Variants in PFKFB4 observed in about 807,000 individuals in gnomAD.
PFKFB4 encodes the protein 6-phosphofructo-2-kinase/fructose-2,6-bisphosphatase 4.
A neutral mutation model predicts 62.8 loss-of-function variants in PFKFB4; 42 were observed. The observed-to-expected ratio is 0.67, with a 90% CI of 0.52 to 0.86. The LOEUF (loss-of-function observed/expected upper bound fraction) is 0.86, where lower values mean the gene tolerates loss of function less well. PFKFB4 is among the 40% of genes least tolerant of loss of function. The pLI, the probability that PFKFB4 is intolerant of heterozygous loss-of-function variation, is 0.00. For synonymous variants in PFKFB4, 204 were observed against 240.7 expected (o/e 0.85, Z 1.41); for missense variants, 475 against 627.2 (o/e 0.76, Z 2.59).
intron 10 of PFKFB4, 147 bp from the exon 11 acceptor site, chr3:48,523,977 G>A (rs945865751): frequency 1.1e-4 from 93 of 879,418 alleles, no homozygotes; most frequent in Non-Finnish European, 2.4e-5. Context: ...AGCCTTCTGA[G>A]GCCATGGGGG....
At chr3:48,539,192 A>C in intron 6 of PFKFB4, 62 bp downstream of exon 6, 1 of 1,341,772 alleles carries the variant, frequency 7.5e-7, no homozygotes, top group Non-Finnish European at 1.1e-6. Context: ...GGTTAGCCAA[A>C]ACCTGAAAAG....
intron 9 of PFKFB4, among the ~76,000 whole-genome samples, chr3:48,528,180 C>T (rs1350330111): frequency 6.6e-6 from 1 of 152,028 alleles, no homozygotes; most frequent in African/African-American, 2.4e-5. Context: ...TGGACGGCTA[C>T]AACCAAGACT....
chr3:48,549,975 A>G lies in PFKFB4; in HGVS notation c.215-15T>C, dbSNP rs35452137. The stretch of plus-strand genomic sequence containing the variant: ...AACATTGAACTCTGGAGGGAAGGAG[A>G]GGCTCAGCTTTCACAGCAACAGCAA... On this transcript the variant is annotated splice_polypyrimidine_tract_variant and intron_variant, in intron 2 of 13. Transcript: ENST00000232375. 6.3e-7 allele frequency: 1 copy of G among 1,595,848 alleles called. No homozygotes were observed. Among genetic ancestry groups the G allele is most frequent in the East Asian group, 2.2e-5 (1 of 44,748 alleles).
intron 1 of PFKFB4, among the ~76,000 whole-genome samples, chr3:48,553,962 G>C (rs1284254570): frequency 6.6e-6 from 1 of 152,160 alleles, no homozygotes; most frequent in African/African-American, 2.4e-5. Flanking sequence ...TGCCCTCAGA[G>C]TTCCTCCAGG....
chr3:48,556,750 T>TC lies in PFKFB4; in HGVS notation c.27dup (p.Asn10GlufsTer81). The TC allele has an allele frequency of 6.2e-7, 1 of 1,604,966 alleles. No homozygotes were observed. Among genetic ancestry groups the TC allele is most frequent in the South Asian group, 1.1e-5 (1 of 90,450 alleles). ...GGCATCCAGATCTTCTTCAGGGGGT[T>TC]CTGTGTCAATTCCCGTGGGGACGCC... On this transcript the variant is annotated frameshift_variant, in exon 1 of 14. Transcript: ENST00000232375. LOFTEE classifies it high-confidence loss of function. The surrounding 1 kb of genome is among the most constrained non-coding windows in gnomAD (Gnocchi z 5.7).
rs904574543 is a variant in PFKFB4 at position 48,539,222 on chromosome 3, G to T, written c.510+32C>A. 6 of 1,561,552 alleles carry T rather than the reference G, an allele frequency of 3.8e-6. No homozygotes were observed. In the African/African-American group the frequency reaches 4.1e-5, roughly 11 times the overall value. On this transcript the variant is annotated intron_variant, in intron 6 of 13. Transcript: ENST00000232375. ...GAAAAGGGATGTCCCTGTCACACAC[G>T]ACCTTCTGACAAGGTCAGATGCACT...
rs374989531 is a variant in PFKFB4, at chr3:48,549,857, T to C, written c.311+7A>G. 3.2e-6 allele frequency: 5 copies of C among 1,571,696 alleles called. No individual in the cohort carries two copies. Among genetic ancestry groups the C allele is most frequent in the East Asian group, 2.2e-5 (1 of 44,672 alleles). On this transcript the variant is annotated splice_region_variant and intron_variant, in intron 3 of 13. Coordinates refer to ENST00000232375, the MANE Select transcript of PFKFB4 (RefSeq NM_004567.4). ...CCTCTCCCCCCACACCCAACACATA[T>C]ACTTACTTCCTGATTTTCAGGCCCT...
At chr3:48,533,541 C>A (rs1242160620) in intron 9 of PFKFB4, among the ~76,000 whole-genome samples, 1 of 152,146 alleles carries the variant, frequency 6.6e-6, no homozygotes, top group African/African-American at 2.4e-5. Context: ...CTGGCCCCAA[C>A]AAAAACAACT....
chr3:48,523,538 A>G lies in PFKFB4; in HGVS notation c.1284T>C (p.Tyr428=), dbSNP rs202052151. 3.7e-6 allele frequency: 6 copies of G among 1,613,890 alleles called. 1 individual carries two copies. In the South Asian group the frequency reaches 6.6e-5, roughly 18 times the overall value. The part of the protein sequence containing the change: ...HTVLKLTPVA[Y]GCKVESIFLN... ...TCAATGTGCAGGAAGCTTCCTTACC[A>G]TATGCCACAGGAGTCAGCTTCAGGA... Residue 428 remains tyrosine (Y), a splice_region_variant and synonymous_variant, in exon 12 of 14, where the codon TAT becomes TAC. Transcript: ENST00000232375.
rs142259243 is a variant in PFKFB4, at chr3:48,539,256, C to T, written c.508G>A (p.Val170Met). The change falls in exon 6 of 14, where the codon GTG becomes ATG. Residue 170 changes from valine to methionine, a missense_variant and splice_region_variant. Val to Met is a conservative substitution (Grantham distance 21). Transcript: ENST00000232375. ...VDPEVIAANIVQVKLGSPDYV... is the reference protein window; with the variant it reads ...VDPEVIAANIMQVKLGSPDYV... ...ACAAGGTCAGATGCACTACTCACCA[C>T]GATGTTGGCAGCTATGACCTCAGGA... The T allele has an allele frequency of 5.0e-6, 8 of 1,612,754 alleles. No individual in the cohort carries two copies. The highest frequency in any genetic ancestry group is 3.3e-5 in the Admixed American group (2 of 59,960).
intron 3 of PFKFB4, among the ~76,000 whole-genome samples, chr3:48,547,131 G>T (rs758641790): frequency 3.6e-4 from 55 of 152,316 alleles, no homozygotes; most frequent in Non-Finnish European, 6.3e-4. Context: ...CACCATGTAT[G>T]AGCGTGCTCA....
intron 9 of PFKFB4, among the ~76,000 whole-genome samples, chr3:48,531,666 G>A (rs1341083588): frequency 6.6e-6 from 1 of 150,750 alleles, no homozygotes; most frequent in Non-Finnish European, 1.5e-5. Flanking sequence ...GGTGATGTGT[G>A]CCTGTAGTCC....
At chr3:48,548,284 T>C (rs1178883116) in intron 3 of PFKFB4, 1 of 151,970 alleles carries the variant, frequency 6.6e-6, no homozygotes, top group Non-Finnish European at 1.5e-5. Context: ...TCTGGAAAAG[T>C]GAGGCACCGC....
In PFKFB4 at chr3:48,519,772, A is replaced by AG. The variant is rs1251316486; in HGVS notation, c.1384dup (p.Leu462ProfsTer18). ...TCACTGGTGAGCAGGCACCGTGACA[A>AG]GGGCTTCCTCTGGAGGTCTTGAGAT... On this transcript the variant is annotated frameshift_variant, in exon 14 of 14. Coordinates refer to ENST00000232375, the MANE Select transcript of PFKFB4 (RefSeq NM_004567.4). LOFTEE classifies it high-confidence loss of function. 1 of 1,613,838 alleles carries AG rather than the reference A, an allele frequency of 6.2e-7. No homozygotes were observed. Among genetic ancestry groups the AG allele is most frequent in the South Asian group, 1.1e-5 (1 of 91,056 alleles).
At chr3:48,533,705 ATTAG>A (rs921597420) in intron 9 of PFKFB4, among the ~76,000 whole-genome samples, 11 of 152,180 alleles carry the variant, frequency 7.2e-5, no homozygotes, top group Admixed American at 1.3e-4. Context: ...AAATACAAAA[ATTAG>A]TTGGTGTGGT....
intron 9 of PFKFB4, among the ~76,000 whole-genome samples, chr3:48,527,872 A>T (rs1360487418): frequency 6.6e-6 from 1 of 151,894 alleles, no homozygotes. Flanking sequence ...TATTTTTAGT[A>T]GAGACGGGGT....
chr3:48,522,764 T>C (rs961321482), intron 12 of PFKFB4, among the ~76,000 whole-genome samples: 7 of 141,704 alleles, frequency 4.9e-5, no homozygotes, highest in South Asian at 2.2e-4. Flanking sequence ...CACAACAAAC[T>C]TTTTTTTTTT....
At chr3:48,561,964 C>G (rs997341041), upstream of PFKFB4, 1 of 152,226 alleles carries the variant, frequency 6.6e-6, no homozygotes. This position sits in a 1 kb window ranked among gnomAD's most constrained non-coding sequence, Gnocchi z 5.2. Flanking sequence ...GTCCCTGGGT[C>G]GAGGCTGGGG....
upstream of PFKFB4, among the ~76,000 whole-genome samples, chr3:48,557,181 G>T (rs545573357): frequency 1.1e-3 from 160 of 152,336 alleles, no homozygotes; most frequent in Non-Finnish European, 1.9e-3. Flanking sequence ...CCGCCCTGGC[G>T]CTGCATCCCT....
Sources: gnomAD v4.1 joint callset for allele counts (sites outside exome capture counted in the v4.1 genomes callset) on GRCh38, gnomAD v4.1.1 for gene constraint, Gnocchi (gnomAD v3.1) non-coding constraint, MANE v1.5 for transcripts, NCBI Gene and HGNC (gene_info 2026-07-23, HGNC 2026-07-21) for gene names.